TRPM3: variants seen among roughly 807,000 people sequenced by gnomAD.
The protein encoded by TRPM3 is transient receptor potential cation channel subfamily M member 3.
Under a neutral mutation model 181.2 loss-of-function variants are expected in TRPM3, and 77 were observed. The observed-to-expected ratio is 0.42, with a 90% CI of 0.35 to 0.51. The LOEUF (loss-of-function observed/expected upper bound fraction) is 0.51. TRPM3 is among the 20% of genes least tolerant of loss of function. The pLI, the probability that TRPM3 is intolerant of heterozygous loss-of-function variation, is 0.01. For missense variants in TRPM3, 1,759 were observed against 2,196.7 expected (o/e 0.80, Z 3.98); for synonymous variants, 745 against 796.4 (o/e 0.94, Z 1.09).
At chr9:71,198,806 T>C (rs890045476) in intron 1 of TRPM3, among the ~76,000 whole-genome samples, 9 of 144,792 alleles carry the variant, frequency 6.2e-5, no homozygotes, top group African/African-American at 2.0e-4. Flanking sequence ...TATACAATCA[T>C]GTCATCTGCA....
At chr9:71,192,494 A>C (rs983763706) in intron 1 of TRPM3, among the ~76,000 whole-genome samples, 5 of 151,880 alleles carry the variant, frequency 3.3e-5, no homozygotes, top group Non-Finnish European at 5.9e-5. Flanking sequence ...TTTTATTTGC[A>C]TTTCCCTGAT....
intron 8 of TRPM3, among the ~76,000 whole-genome samples, chr9:70,759,424 G>T (rs564448918): frequency 2.6e-5 from 4 of 152,316 alleles, no homozygotes; most frequent in Non-Finnish European, 4.4e-5. Context: ...AGACAGTGTG[G>T]CATTTCCTCA....
intron 1 of TRPM3, among the ~76,000 whole-genome samples, chr9:71,335,193 A>T (rs1252637557): frequency 1.3e-5 from 2 of 152,126 alleles, no homozygotes; most frequent in Non-Finnish European, 2.9e-5. Flanking sequence ...CTTCTTGGAG[A>T]CCTGGAGTTA....
chr9:70,783,862 T>C (rs2083007023), intron 7 of TRPM3: 2 of 1,191,326 alleles, frequency 1.7e-6, no homozygotes, highest in Non-Finnish European at 1.0e-6. Context: ...TGACCTCCTC[T>C]CTTTTCCTCA....
intron 22 of TRPM3, among the ~76,000 whole-genome samples, chr9:70,572,139 T>TGTGTGTGTGTGTGTGTGTG (rs397944738): frequency 1.3e-5 from 2 of 152,144 alleles, no homozygotes; most frequent in African/African-American, 4.8e-5. Flanking sequence ...TGTGTGTGTG[T>TGTGTGTGTGTGTGTGTGTG]TTCCCACATG....
rs1034629816 is a variant in TRPM3 at position 71,121,589 on chromosome 9, T to G, written c.-235A>C. 4 of 1,297,716 alleles carry G rather than the reference T, an allele frequency of 3.1e-6. No homozygotes were observed. The African/African-American group carries it at 6.0e-5, about 20-fold the overall frequency. 80.4% of individuals were successfully genotyped at this position (1,297,716 alleles called of 1,614,324 possible). A position where few individuals can be genotyped will look rare whatever the true frequency, so the allele number is the denominator to read the frequency against. On this transcript the variant is annotated 5_prime_UTR_variant, in exon 1 of 26. Coordinates refer to ENST00000677713, the MANE Select transcript of TRPM3 (RefSeq NM_001366145.2). Reference sequence around the variant, plus strand: ...GAGGGACAGCCTGCACAAAACAGCCTGTGGTCGGAGTCAAAGCAGCCTGCT... The same window carrying G: ...GAGGGACAGCCTGCACAAAACAGCCGGTGGTCGGAGTCAAAGCAGCCTGCT...
chr9:70,614,111 T>C (rs1004855364), intron 18 of TRPM3, among the ~76,000 whole-genome samples: 3 of 152,178 alleles, frequency 2.0e-5, no homozygotes, highest in Admixed American at 6.5e-5. Context: ...GGAGTCTATA[T>C]GCCTGGGTTC....
At chr9:71,350,677 C>T (rs1217015727) in intron 1 of TRPM3, among the ~76,000 whole-genome samples, 1 of 152,104 alleles carries the variant, frequency 6.6e-6, no homozygotes, top group Non-Finnish European at 1.5e-5. Context: ...TTGAATTTTT[C>T]CTTTCATTCT....
chr9:70,892,925 G>A (rs2096231928), intron 1 of TRPM3, among the ~76,000 whole-genome samples: 1 of 152,038 alleles, frequency 6.6e-6, no homozygotes, highest in South Asian at 2.1e-4. Context: ...ATTTCTACAT[G>A]ACCGGCTATA....
chr9:70,779,024 T>C (rs2081994463), intron 7 of TRPM3, among the ~76,000 whole-genome samples: 1 of 152,198 alleles, frequency 6.6e-6, no homozygotes, highest in African/African-American at 2.4e-5. Flanking sequence ...TACAACATTT[T>C]TTTTTTCATC....
At chr9:70,651,955 A>G (rs1406660654) in intron 9 of TRPM3, among the ~76,000 whole-genome samples, 1 of 152,194 alleles carries the variant, frequency 6.6e-6, no homozygotes, top group Admixed American at 6.5e-5. Context: ...CGTGCTCAAT[A>G]GGAAGGAGGA....
intron 1 of TRPM3, chr9:71,446,504 C>T (rs1589059648): frequency 2.6e-6 from 2 of 765,522 alleles, no homozygotes. Flanking sequence ...TTCCTCACAG[C>T]CCCCAGCACT....
At chr9:71,382,177 C>T (rs1359806189) in intron 1 of TRPM3, among the ~76,000 whole-genome samples, 2 of 152,126 alleles carry the variant, frequency 1.3e-5, no homozygotes, top group Non-Finnish European at 2.9e-5. Flanking sequence ...TTTCTCAAAA[C>T]TCCAGTTTAC....
At chr9:71,266,435 T>C (rs1294017833) in intron 1 of TRPM3, among the ~76,000 whole-genome samples, 1 of 151,670 alleles carries the variant, frequency 6.6e-6, no homozygotes, top group Non-Finnish European at 1.5e-5. Context: ...GTTTCCATTA[T>C]ATTCTTTGTT....
At chr9:71,330,741 C>G (rs1300825262) in intron 1 of TRPM3, among the ~76,000 whole-genome samples, 3 of 151,718 alleles carry the variant, frequency 2.0e-5, no homozygotes, top group Non-Finnish European at 4.4e-5. Context: ...AATCTGAGTA[C>G]AAGGCAGCAG....
At chr9:71,052,736 C>G (rs911362302) in intron 1 of TRPM3, among the ~76,000 whole-genome samples, 4 of 151,938 alleles carry the variant, frequency 2.6e-5, no homozygotes, top group African/African-American at 4.8e-5. Flanking sequence ...TTCAAAAAAC[C>G]CTACATCCCT....
chr9:70,750,448 T>C (rs2075938297), intron 8 of TRPM3, among the ~76,000 whole-genome samples: 1 of 152,150 alleles, frequency 6.6e-6, no homozygotes, highest in African/African-American at 2.4e-5. Flanking sequence ...AGTTAACAAG[T>C]CAGGCCTGGG....
At chr9:71,239,830 C>T (rs1194234276) in intron 1 of TRPM3, among the ~76,000 whole-genome samples, 2 of 152,050 alleles carry the variant, frequency 1.3e-5, no homozygotes, top group Non-Finnish European at 2.9e-5. Context: ...AAGTTATTGA[C>T]TCCAAGTACT....
intron 1 of TRPM3, among the ~76,000 whole-genome samples, chr9:71,214,070 G>A (rs1291831330): frequency 6.6e-6 from 1 of 152,124 alleles, no homozygotes; most frequent in Non-Finnish European, 1.5e-5. Context: ...CCAAACCACT[G>A]TCTCAAAACT....
Sources: gnomAD v4.1 joint callset for allele counts (sites outside exome capture counted in the v4.1 genomes callset) on GRCh38, gnomAD v4.1.1 for gene constraint, MANE v1.5 for transcripts, NCBI Gene and HGNC (gene_info 2026-07-23, HGNC 2026-07-21) for gene names.